COBLL1: variants seen among roughly 807,000 people sequenced by gnomAD.
COBLL1 encodes cordon-bleu protein-like 1.
Under a neutral mutation model 94.8 loss-of-function variants are expected in COBLL1, and 50 were observed. The ratio of observed to expected loss-of-function variants is 0.53; its 90% CI spans 0.42 to 0.67. The LOEUF (loss-of-function observed/expected upper bound fraction) is 0.67. Ranked by LOEUF, COBLL1 falls within the 30% of genes least tolerant of loss-of-function variation. The probability of loss-of-function intolerance (pLI) is 0.00; values close to 1 mark genes in which losing one functional copy is unlikely to be tolerated. For synonymous variants in COBLL1, 448 were observed against 473.8 expected (o/e 0.95, Z 0.71); for missense variants, 1,362 against 1,348.7 (o/e 1.01, Z -0.15).
At chr2:164,825,959 T>C (rs561343729) in intron 2 of COBLL1, among the ~76,000 whole-genome samples, 2 of 152,134 alleles carry the variant, frequency 1.3e-5, no homozygotes, top group Non-Finnish European at 2.9e-5. Flanking sequence ...AATCCATGTG[T>C]AAAAAAAGTA....
intron 1 of COBLL1, among the ~76,000 whole-genome samples, chr2:164,670,548 G>C (rs1008597887): frequency 6.6e-6 from 1 of 152,174 alleles, no homozygotes; most frequent in Non-Finnish European, 1.5e-5. Flanking sequence ...AAGAAGTTCT[G>C]TTATGGCTTT....
intron 3 of COBLL1, among the ~76,000 whole-genome samples, chr2:164,734,801 T>C (rs1324636748): frequency 1.3e-5 from 2 of 152,116 alleles, no homozygotes; most frequent in Admixed American, 6.5e-5. Context: ...ATTTCAATGG[T>C]TTGCTATGTG....
At position 164,692,483 on chromosome 2, in the gene COBLL1, C is replaced by A. The variant is rs1056691673; in HGVS notation, c.3124-86G>T. 1.3e-4 allele frequency: 135 copies of A among 1,023,318 alleles called. 1 individual carries two copies. The Middle Eastern group carries it at 1.5e-3, about 12-fold the overall frequency. The allele number at this position is 1,023,318 out of a possible 1,614,324, so 63.4% of individuals were successfully genotyped here. ...CAAAACATTTTCATCATCAATAGTTCTTTAACAATCACCATTTGCCACACT... is the reference window on the plus strand; with the variant it reads ...CAAAACATTTTCATCATCAATAGTTATTTAACAATCACCATTTGCCACACT... On this transcript the variant is annotated intron_variant, in intron 12 of 13. Coordinates refer to ENST00000652658, the MANE Select transcript of COBLL1 (RefSeq NM_001365672.2).
intron 5 of COBLL1, chr2:164,723,225 T>C (rs1183643136): frequency 6.6e-6 from 1 of 152,160 alleles, no homozygotes. Flanking sequence ...CAAATGTTAA[T>C]AGTGCTGAAA....
rs1450509984 is a variant in COBLL1, at chr2:164,683,587, G to C, written c.*2359C>G. On this transcript the variant is annotated 3_prime_UTR_variant, in exon 14 of 14. Coordinates refer to ENST00000652658, the MANE Select transcript of COBLL1 (RefSeq NM_001365672.2). ...CAAACAGCAGTTTATAAAATACTACGAACACAATTGATGCCTCTTATAAAT... is the reference window on the plus strand; with the variant it reads ...CAAACAGCAGTTTATAAAATACTACCAACACAATTGATGCCTCTTATAAAT... 6.6e-6 allele frequency: 1 copy of C among 151,942 alleles called. No individual in the cohort carries two copies. Among genetic ancestry groups the C allele is most frequent in the Non-Finnish European group, 1.5e-5 (1 of 67,970 alleles). The allele number at this position is 151,942 out of a possible 1,614,324, so 9.4% of individuals were successfully genotyped here.
At chr2:164,789,994 A>G (rs989610559) in intron 2 of COBLL1, among the ~76,000 whole-genome samples, 1 of 152,238 alleles carries the variant, frequency 6.6e-6, no homozygotes, top group Non-Finnish European at 1.5e-5. Flanking sequence ...ATTCAAATAC[A>G]TTAAGGGAAA....
At position 164,722,070 on chromosome 2, in the gene COBLL1, C is replaced by T. The variant is rs754296371; in HGVS notation, c.996+5G>A. On this transcript the variant is annotated splice_donor_5th_base_variant and intron_variant, in intron 7 of 13. Transcript: ENST00000652658. ...AAAAACAAAATAGAAAACAAAACTA[C>T]ACACCTTATCTGTCTCATCCACGCT... 5 of 1,561,292 alleles carry T rather than the reference C, an allele frequency of 3.2e-6. No individual in the cohort carries two copies. The East Asian group carries it at 6.8e-5, about 21-fold the overall frequency.
chr2:164,759,188 T>C (rs778822181), intron 2 of COBLL1, among the ~76,000 whole-genome samples: 3 of 152,176 alleles, frequency 2.0e-5, no homozygotes, highest in Non-Finnish European at 2.9e-5. Flanking sequence ...TTAAACATCG[T>C]TGAGTTATCA....
intron 2 of COBLL1, among the ~76,000 whole-genome samples, chr2:164,786,372 C>G (rs1220640524): frequency 6.6e-6 from 1 of 152,092 alleles, no homozygotes; most frequent in Non-Finnish European, 1.5e-5. Context: ...GAGCATATAA[C>G]TGGGCAGAGG....
intron 2 of COBLL1, among the ~76,000 whole-genome samples, chr2:164,827,183 A>G (rs1346148643): frequency 6.6e-6 from 1 of 152,090 alleles, no homozygotes; most frequent in Non-Finnish European, 1.5e-5. Flanking sequence ...TCCTGAACTC[A>G]AGTGATCCAC....
intron 1 of COBLL1, among the ~76,000 whole-genome samples, chr2:164,668,272 C>T: frequency 6.6e-6 from 1 of 152,166 alleles, no homozygotes; most frequent in East Asian, 1.9e-4. Context: ...CCTGTCTCGG[C>T]TTTTGACATG....
intron 7 of COBLL1, among the ~76,000 whole-genome samples, chr2:164,717,529 T>A (rs1193717932): frequency 6.6e-6 from 1 of 152,222 alleles, no homozygotes; most frequent in East Asian, 1.9e-4. Context: ...TCTGGCTATA[T>A]AAACCACATT....
At chr2:164,767,658 T>C (rs1005310772) in intron 2 of COBLL1, among the ~76,000 whole-genome samples, 5 of 152,170 alleles carry the variant, frequency 3.3e-5, no homozygotes, top group East Asian at 1.9e-4. Flanking sequence ...ATAATTTACA[T>C]GTAAATTCAT....
chr2:164,718,894 G>T (rs1408214204), intron 7 of COBLL1, among the ~76,000 whole-genome samples: 1 of 151,870 alleles, frequency 6.6e-6, no homozygotes, highest in Admixed American at 6.6e-5. Flanking sequence ...TCTGGTTAGA[G>T]ATAGAAGTAT....
rs1367250650 is a variant in COBLL1, at chr2:164,681,487, GA to G, written c.*4458del. 1.3e-5 allele frequency: 2 copies of G among 152,266 alleles called. No homozygotes were observed. The highest frequency in any genetic ancestry group is 2.9e-5 in the Non-Finnish European group (2 of 68,114). 9.4% of individuals were successfully genotyped at this position (152,266 alleles called of 1,614,324 possible). A position where few individuals can be genotyped will look rare whatever the true frequency, so the allele number is the denominator to read the frequency against. ...TCAAAACCTGCTCCTATGGGTGGGAGAGGGGGCTCTGCCTCTTTAATGAGAG... is the reference window on the plus strand; with the variant it reads ...TCAAAACCTGCTCCTATGGGTGGGAGGGGGGCTCTGCCTCTTTAATGAGAG... On this transcript the variant is annotated 3_prime_UTR_variant, in exon 14 of 14. Transcript: ENST00000652658.
chr2:164,814,252 A>C (rs1168104257), intron 2 of COBLL1, among the ~76,000 whole-genome samples: 1 of 152,182 alleles, frequency 6.6e-6, no homozygotes, highest in South Asian at 2.1e-4. Flanking sequence ...AGTATCTCTC[A>C]CACACAGACA....
At chr2:164,835,945 G>C (rs1186013626) in intron 2 of COBLL1, among the ~76,000 whole-genome samples, 2 of 152,010 alleles carry the variant, frequency 1.3e-5, no homozygotes, top group Non-Finnish European at 2.9e-5. Context: ...AGGAGTTTTT[G>C]ACTGATTAAT....
chr2:164,755,094 T>G (rs1828213), intron 2 of COBLL1, among the ~76,000 whole-genome samples: 30,593 of 152,164 alleles, frequency 0.2, 3,334 homozygotes, highest in Middle Eastern at 0.26. Context: ...AAGCCTGGGA[T>G]GTCAAGGCTG....
rs369380044 is a variant in COBLL1 at position 164,691,415 on chromosome 2, G to A, written c.3300+806C>T. Among the ~76,000 whole-genome samples the A allele has an allele frequency of 8.5e-5, 13 of 152,266 alleles. No homozygotes were observed. The East Asian group carries it at 2.1e-3, about 25-fold the overall frequency. ...GAATTCACAAAATGAAATGCCTCGG[G>A]AGTTAATGGAATAATAAGTACTTTC... On this transcript the variant is annotated intron_variant, in intron 13 of 13. Transcript: ENST00000652658.
Sources: gnomAD v4.1 joint callset for allele counts (sites outside exome capture counted in the v4.1 genomes callset) on GRCh38, gnomAD v4.1.1 for gene constraint, MANE v1.5 for transcripts, NCBI Gene and HGNC (gene_info 2026-07-23, HGNC 2026-07-21) for gene names.